The following OR2L13 variants were observed in gnomAD, a reference collection of about 807,000 sequenced individuals.
The protein encoded by OR2L13 is olfactory receptor 2L13.
A neutral mutation model predicts 15.3 loss-of-function variants in OR2L13; 14 were observed. That is an observed-to-expected ratio of 0.91 (90% confidence interval 0.60 to 1.43). The LOEUF is 1.43. Among genes scored for constraint, OR2L13 ranks in the 40% most tolerant of loss-of-function variants. OR2L13 has a pLI of 0.00. For synonymous variants in OR2L13, 152 were observed against 142.9 expected (o/e 1.06, Z -0.45); for missense variants, 367 against 387.9 (o/e 0.95, Z 0.45).
the OR2L13 span, among the ~76,000 whole-genome samples, chr1:248,064,171 T>C: frequency 2.4e-4 from 37 of 152,248 alleles, no homozygotes; most frequent in African/African-American, 7.9e-4. Context: ...TATGCTTAAA[T>C]CTTAACCCTC....
the OR2L13 span, among the ~76,000 whole-genome samples, chr1:248,028,248 C>G: frequency 1.3e-5 from 2 of 150,900 alleles, no homozygotes; most frequent in South Asian, 2.1e-4. Flanking sequence ...ATTAACAAAC[C>G]CTTTCTCTGC....
the OR2L13 span, among the ~76,000 whole-genome samples, chr1:247,940,708 TTGTG>T: frequency 3.5e-5 from 5 of 141,162 alleles, no homozygotes; most frequent in Non-Finnish European, 7.6e-5. Flanking sequence ...TAGAATGATT[TTGTG>T]TGTGTGTGTG....
chr1:247,974,579 T>C, the OR2L13 span, among the ~76,000 whole-genome samples: 1 of 152,184 alleles, frequency 6.6e-6, no homozygotes, highest in African/African-American at 2.4e-5. Flanking sequence ...ATCATAAGTA[T>C]ATATGGATCC....
chr1:248,073,500 T>G, the OR2L13 span, among the ~76,000 whole-genome samples: 2 of 151,838 alleles, frequency 1.3e-5, no homozygotes, highest in African/African-American at 4.8e-5. Context: ...CGGGGAGGGA[T>G]AGCATTAGGA....
chr1:247,966,103 T>C, the OR2L13 span: 1 of 1,614,102 alleles, frequency 6.2e-7, no homozygotes. Flanking sequence ...CACTTGTTCC[T>C]CCCACCTGAT....
At chr1:248,045,710 T>A in the OR2L13 span, 2 of 152,194 alleles carry the variant, frequency 1.3e-5, no homozygotes, top group Non-Finnish European at 2.9e-5. Flanking sequence ...TTTCAGGAAA[T>A]TGTCCTTGCC....
At chr1:248,090,776 A>G (rs1267871374), upstream of OR2L13, among the ~76,000 whole-genome samples, 6 of 152,164 alleles carry the variant, frequency 3.9e-5, no homozygotes, top group Admixed American at 1.3e-4. Context: ...TTGTAGAACA[A>G]TGTATACTCC....
chr1:248,069,853 C>A, the OR2L13 span, among the ~76,000 whole-genome samples: 1 of 151,954 alleles, frequency 6.6e-6, no homozygotes, highest in African/African-American at 2.4e-5. Flanking sequence ...GACTTTAAAC[C>A]AACAAAGATC....
At chr1:248,086,525 G>A in the OR2L13 span, among the ~76,000 whole-genome samples, 2 of 152,102 alleles carry the variant, frequency 1.3e-5, no homozygotes, top group Admixed American at 1.3e-4. Flanking sequence ...TAGTTTAACT[G>A]TATTAATTCT....
chr1:247,967,299 G>C, the OR2L13 span, among the ~76,000 whole-genome samples: 19 of 151,932 alleles, frequency 1.3e-4, no homozygotes, highest in Non-Finnish European at 2.5e-4. Flanking sequence ...CTTGAGCTTG[G>C]CTCACTGCAA....
chr1:248,100,326 C>T, exon 3 of OR2L13: 1 of 1,477,872 alleles, frequency 6.8e-7, no homozygotes, highest in Middle Eastern at 1.7e-4. Flanking sequence ...CATGGCCATC[C>T]CCACTCCCTT....
chr1:248,056,672 CTTT>C, the OR2L13 span, among the ~76,000 whole-genome samples: 1 of 135,104 alleles, frequency 7.4e-6, no homozygotes. Flanking sequence ...TTTGAGGGGG[CTTT>C]TTTTTTTTTT....
the OR2L13 span, among the ~76,000 whole-genome samples, chr1:247,960,293 C>T: frequency 6.6e-6 from 1 of 152,178 alleles, no homozygotes; most frequent in South Asian, 2.1e-4. Context: ...CTGATCGTTC[C>T]TCTGGAAGTT....
the OR2L13 span, among the ~76,000 whole-genome samples, chr1:247,978,677 G>T: frequency 1.3e-5 from 2 of 152,130 alleles, no homozygotes; most frequent in Non-Finnish European, 2.9e-5. Context: ...TCTATGCTTA[G>T]TGGTTTCTAC....
chr1:248,080,244 G>A, the OR2L13 span, among the ~76,000 whole-genome samples: 294 of 152,050 alleles, frequency 1.9e-3, no homozygotes, highest in Non-Finnish European at 3.1e-3. Context: ...GAAGATGAAT[G>A]AATTCTTTTT....
At chr1:247,990,474 C>A in the OR2L13 span, 4 of 1,578,484 alleles carry the variant, frequency 2.5e-6, no homozygotes, top group Non-Finnish European at 2.6e-6. Context: ...CCTCATTGAC[C>A]TAAATTATAT....
At chr1:247,959,274 A>G in the OR2L13 span, among the ~76,000 whole-genome samples, 5 of 151,846 alleles carry the variant, frequency 3.3e-5, no homozygotes, top group Non-Finnish European at 5.9e-5. Flanking sequence ...ATTGGCCCCC[A>G]CTCTCTTCTG....
chr1:247,975,480 GT>G, the OR2L13 span: 2 of 851,038 alleles, frequency 2.4e-6, no homozygotes, highest in Admixed American at 3.5e-5. Flanking sequence ...ACTATGCAAT[GT>G]TTGCTTATAC....
the OR2L13 span, chr1:248,060,871 CA>C: frequency 6.2e-7 from 1 of 1,613,916 alleles, no homozygotes; most frequent in Non-Finnish European, 8.5e-7. Flanking sequence ...CCTACTTAGT[CA>C]GCTCTCCCTC....
Sources: gnomAD v4.1 joint callset for allele counts (sites outside exome capture counted in the v4.1 genomes callset) on GRCh38, gnomAD v4.1.1 for gene constraint, MANE v1.5 for transcripts, NCBI Gene and HGNC (gene_info 2026-07-23, HGNC 2026-07-21) for gene names.